Variants in MFN2 observed in about 807,000 individuals in gnomAD.
MFN2 encodes the protein mitofusin 2, also known as mitofusin-2.
MFN2 carries 43 observed loss-of-function variants against 87.5 expected under a neutral mutation model. That is an observed-to-expected ratio of 0.49 (90% CI 0.38 to 0.63). The LOEUF is 0.63. Among genes scored for constraint, MFN2 ranks in the 30% least tolerant of loss-of-function variants. MFN2 has a pLI of 0.00. For missense variants in MFN2, 743 were observed against 972.8 expected, an observed-to-expected ratio of 0.76 and a Z score of 3.14; for synonymous variants, 337 against 359.9, an observed-to-expected ratio of 0.94 and a Z score of 0.72.
At chr1:12,001,879 C>G in intron 10 of MFN2, 43 bp downstream of exon 10, 2 of 1,613,798 alleles carry the variant, frequency 1.2e-6, no homozygotes, top group Non-Finnish European at 1.7e-6. Context: ...TGTGCCTCCC[C>G]AGCTCCCATT....
intron 5 of MFN2, 98 bp downstream of exon 5, chr1:11,996,416 C>A: frequency 6.9e-7 from 1 of 1,446,688 alleles, no homozygotes. Context: ...GGGGCAGCAC[C>A]ACCCTGTGGA....
At chr1:11,984,205 G>A (rs918914742) in intron 2 of MFN2, among the ~76,000 whole-genome samples, 1 of 152,200 alleles carries the variant, frequency 6.6e-6, no homozygotes, top group Admixed American at 6.5e-5. Flanking sequence ...CTGATGGCAG[G>A]GAACTTGCTT....
chr1:12,008,827 A>G (rs575036577), intron 17 of MFN2, among the ~76,000 whole-genome samples: 96 of 152,324 alleles, frequency 6.3e-4, no homozygotes, highest in African/African-American at 2.2e-3. Context: ...AGAGGCTGCA[A>G]TCTCGGCACT....
chr1:11,985,623 C>T (rs532391107), intron 2 of MFN2, among the ~76,000 whole-genome samples: 2 of 152,036 alleles, frequency 1.3e-5, no homozygotes, highest in South Asian at 2.1e-4. Context: ...TGCGCCACCA[C>T]ACCCAGCTAA....
intron 17 of MFN2, 48 bp downstream of exon 17, chr1:12,007,297 T>C: frequency 6.3e-7 from 1 of 1,589,510 alleles, no homozygotes. Flanking sequence ...TTAGGCAGGG[T>C]CAGCCCCATC....
At position 11,996,155 on chromosome 1, in the gene MFN2, G is replaced by A; in HGVS notation, c.312-1G>A. 1 of 1,614,160 alleles carries A rather than the reference G, an allele frequency of 6.2e-7. No individual in the cohort carries two copies. Among genetic ancestry groups the A allele is most frequent in the Non-Finnish European group, 8.5e-7 (1 of 1,180,022 alleles). On this transcript the variant is annotated splice_acceptor_variant, in intron 4 of 18. Transcript: ENST00000235329. LOFTEE classifies it high-confidence loss of function. ...TGCTGACAGCTGTTACTTCCTTCTA[G>A]GACGAGCAATGGGAAGAGCACCGTG... is the stretch of plus-strand genomic sequence containing the variant.
intron 2 of MFN2, among the ~76,000 whole-genome samples, chr1:11,986,174 TAA>T (rs894788692): frequency 1.5e-4 from 23 of 152,360 alleles, no homozygotes; most frequent in African/African-American, 5.5e-4. Flanking sequence ...GGTTAGTTAC[TAA>T]AAGTCCGTTT....
At chr1:11,983,412 T>C (rs75023371) in intron 2 of MFN2, among the ~76,000 whole-genome samples, 7,450 of 152,278 alleles carry the variant, frequency 0.049, 223 homozygotes, top group East Asian at 0.083. Context: ...TATTGAACCT[T>C]CTTTACATGG....
At chr1:11,999,938 C>T (rs1312331125) in intron 8 of MFN2, among the ~76,000 whole-genome samples, 1 of 151,328 alleles carries the variant, frequency 6.6e-6, no homozygotes, top group Non-Finnish European at 1.5e-5. Flanking sequence ...ACTAAAAATA[C>T]AAAAAATTAG....
At chr1:11,996,135 A>G in intron 4 of MFN2, 21 bp from the exon 5 acceptor site, 7 of 1,614,090 alleles carry the variant, frequency 4.3e-6, no homozygotes, top group Non-Finnish European at 5.9e-6. Flanking sequence ...GGCTTTGCTG[A>G]CAGCTGTTAC....
chr1:11,991,772 A>C (rs1335084069), intron 3 of MFN2, among the ~76,000 whole-genome samples: 1 of 150,978 alleles, frequency 6.6e-6, no homozygotes. Flanking sequence ...AAAATACAAA[A>C]AATTAGCCGG....
chr1:11,984,107 C>T (rs1474868), intron 2 of MFN2, among the ~76,000 whole-genome samples: 81,102 of 152,036 alleles, frequency 0.53, 22,521 homozygotes, highest in East Asian at 0.68. Flanking sequence ...TACACGCTGT[C>T]GAGTCTTGCA....
intron 7 of MFN2, 25 bp downstream of exon 7, chr1:11,998,903 A>G (rs765852679): frequency 1.2e-6 from 2 of 1,613,168 alleles, no homozygotes; most frequent in Non-Finnish European, 1.7e-6. Context: ...GCCTTCTCCC[A>G]AGCTCCCAGC....
rs144737216 is a variant in MFN2 at position 11,984,858 on chromosome 1, C to T, written c.-5+2744C>T. Among the ~76,000 whole-genome samples the T allele has an allele frequency of 7.4e-4, 113 of 152,388 alleles. 1 individual carries two copies. The highest frequency in any genetic ancestry group is 2.5e-3 in the African/African-American group (102 of 41,592). ...ACTACACGCCTCTTCCCCCATACCTCGCCCTAAGCGTCTCCTTATCTGTAT... is the reference window on the plus strand; with the variant it reads ...ACTACACGCCTCTTCCCCCATACCTTGCCCTAAGCGTCTCCTTATCTGTAT... On this transcript the variant is annotated intron_variant, in intron 2 of 18. Transcript: ENST00000235329.
In MFN2 at chr1:12,005,031, T is replaced by C; in HGVS notation, c.1495+104T>C. On this transcript the variant is annotated intron_variant, in intron 14 of 18. Coordinates refer to ENST00000235329, the MANE Select transcript of MFN2 (RefSeq NM_014874.4). ...CAGGACTTTCCTTATCTGTCACTTT[T>C]CATGATGATTCAACTCGATACCTTC... 2 of 880,354 alleles carry C rather than the reference T, an allele frequency of 2.3e-6. 1 individual carries two copies. Among genetic ancestry groups the C allele is most frequent in the East Asian group, 5.4e-5 (2 of 37,322 alleles). The allele number at this position is 880,354 out of a possible 1,614,324, so 54.5% of individuals were successfully genotyped here. A position where few individuals can be genotyped will look rare whatever the true frequency, so the allele number is the denominator to read the frequency against.
rs758899697 is a variant in MFN2 at position 12,006,675 on chromosome 1, T to G, written c.1854T>G (p.Ile618Met). The G allele has an allele frequency of 1.2e-6, 2 of 1,614,010 alleles. No individual in the cohort carries two copies. Among genetic ancestry groups the G allele is most frequent in the Non-Finnish European group, 1.7e-6 (2 of 1,180,002 alleles). ...TGACATCCAGGACCTCCATGGGCAT[T>G]CTTGTTGTTGGAGGAGTGGTCAGTG... The part of the protein sequence containing the change: ...ASLTSRTSMG[I>M]LVVGGVVWKA... The change falls in exon 16 of 19, where the codon ATT (isoleucine) becomes ATG (methionine). Residue 618 changes from isoleucine to methionine, a missense_variant. Physicochemically the swap from Ile to Met is conservative, Grantham distance 10 (BLOSUM62 1). Around this residue, in one of 3 missense-constraint regions of MFN2, gnomAD observed 571 missense variants for 670.7 expected, o/e 0.85. Transcript: ENST00000235329.
At chr1:12,008,351 G>A (rs190523675) in intron 17 of MFN2, among the ~76,000 whole-genome samples, 6,693 of 141,640 alleles carry the variant, frequency 0.047, 198 homozygotes, top group East Asian at 0.091. Context: ...CCCACCTCCC[G>A]GATGGGGCGG....
At chr1:11,998,231 A>G (rs1639016292) in intron 6 of MFN2, among the ~76,000 whole-genome samples, 1 of 152,038 alleles carries the variant, frequency 6.6e-6, no homozygotes, top group African/African-American at 2.4e-5. Flanking sequence ...TTTTTATAAA[A>G]GCAATAGATA....
At chr1:12,008,468 A>G (rs7537348) in intron 17 of MFN2, among the ~76,000 whole-genome samples, 97,599 of 145,342 alleles carry the variant, frequency 0.67, 32,444 homozygotes, top group African/African-American at 0.74. Flanking sequence ...CCGGGCGGGG[A>G]CTGACCCCCC....
Sources: gnomAD v4.1 joint callset for allele counts (sites outside exome capture counted in the v4.1 genomes callset) on GRCh38, gnomAD v4.1.1 for gene constraint, gnomAD v4.1.1 regional missense constraint, MANE v1.5 for transcripts, NCBI Gene and HGNC (gene_info 2026-07-23, HGNC 2026-07-21) for gene names.